MAST4: variants seen among roughly 807,000 people sequenced by gnomAD.
MAST4 encodes the protein microtubule-associated serine/threonine-protein kinase 4.
In MAST4, 89 loss-of-function variants were observed where a neutral mutation model predicts 162.7. The observed-to-expected ratio is 0.55, with a 90% CI of 0.46 to 0.65. The LOEUF (loss-of-function observed/expected upper bound fraction) is 0.65, where lower values mean the gene tolerates loss of function less well. Among genes scored for constraint, MAST4 ranks in the 30% least tolerant of loss-of-function variants. The pLI, the probability that MAST4 is intolerant of heterozygous loss-of-function variation, is 0.00. For synonymous variants in MAST4, 1,479 were observed against 1,361.1 expected (o/e 1.09, Z -1.91); for missense variants, 3,153 against 3,374.0 (o/e 0.93, Z 1.62).
intron 1 of MAST4, among the ~76,000 whole-genome samples, chr5:66,617,011 C>T (rs1232587014): frequency 6.6e-6 from 1 of 152,156 alleles, no homozygotes; most frequent in Non-Finnish European, 1.5e-5. Context: ...AAAGAGACAC[C>T]TTGCACATTC....
intron 14 of MAST4, among the ~76,000 whole-genome samples, chr5:67,126,833 G>T (rs995530744): frequency 6.6e-6 from 1 of 152,146 alleles, no homozygotes; most frequent in Non-Finnish European, 1.5e-5. Context: ...ATTGCTTTGG[G>T]CAGTATGGCC....
At chr5:66,892,412 C>T (rs1762417633) in intron 3 of MAST4, among the ~76,000 whole-genome samples, 1 of 152,148 alleles carries the variant, frequency 6.6e-6, no homozygotes, top group African/African-American at 2.4e-5. Flanking sequence ...CAGTGTCTGG[C>T]ACAGCACCAG....
intron 1 of MAST4, among the ~76,000 whole-genome samples, chr5:66,648,565 G>A (rs1002890616): frequency 6.6e-6 from 1 of 151,840 alleles, no homozygotes; most frequent in Non-Finnish European, 1.5e-5. Context: ...TTCCTATTGA[G>A]TTTTTTACCC....
chr5:66,920,278 C>G (rs249615), intron 4 of MAST4, among the ~76,000 whole-genome samples: 12,545 of 151,748 alleles, frequency 0.083, 704 homozygotes, highest in East Asian at 0.15. Context: ...TCCCTACTCT[C>G]GTTTGAATCA....
At chr5:67,121,155 T>C (rs1009083833) in intron 14 of MAST4, 53 bp downstream of exon 14, 2 of 1,345,896 alleles carry the variant, frequency 1.5e-6, no homozygotes, top group African/African-American at 2.9e-5. Context: ...TCAAGTGATA[T>C]ATTTATTCTT....
chr5:66,804,531 C>G (rs1262654065), intron 3 of MAST4, among the ~76,000 whole-genome samples: 1 of 152,196 alleles, frequency 6.6e-6, no homozygotes, highest in South Asian at 2.1e-4. Context: ...GAAACAAGGA[C>G]TAGACTTGGA....
At chr5:66,658,072 G>A (rs1211448876) in intron 1 of MAST4, among the ~76,000 whole-genome samples, 2 of 152,156 alleles carry the variant, frequency 1.3e-5, no homozygotes, top group Admixed American at 1.3e-4. Context: ...TCCAGTCCAG[G>A]GTAACCTGGT....
chr5:66,652,877 G>A (rs1332215254), intron 1 of MAST4, among the ~76,000 whole-genome samples: 1 of 152,156 alleles, frequency 6.6e-6, no homozygotes, highest in Non-Finnish European at 1.5e-5. Context: ...CGCTCTCATT[G>A]CTTCTCCCCA....
intron 1 of MAST4, among the ~76,000 whole-genome samples, chr5:66,658,420 G>A (rs1386556664): frequency 6.6e-6 from 1 of 152,072 alleles, no homozygotes; most frequent in African/African-American, 2.4e-5. Flanking sequence ...AACTGTTATG[G>A]GTTTTTTCCC....
At chr5:66,733,313 C>T (rs981799331) in intron 1 of MAST4, among the ~76,000 whole-genome samples, 19 of 149,010 alleles carry the variant, frequency 1.3e-4, no homozygotes, top group Admixed American at 2.8e-4. Flanking sequence ...CCTCCCTCTT[C>T]CCCCCACCAC....
chr5:66,990,988 A>G (rs1039458372), intron 4 of MAST4, among the ~76,000 whole-genome samples: 3 of 152,214 alleles, frequency 2.0e-5, no homozygotes, highest in Admixed American at 2.0e-4. Context: ...TCTCAAAAAT[A>G]ATGACTCTGA....
chr5:66,838,202 C>G (rs1027749958), intron 3 of MAST4, among the ~76,000 whole-genome samples: 5 of 151,834 alleles, frequency 3.3e-5, no homozygotes, highest in Non-Finnish European at 5.9e-5. Context: ...TTGCTTTGTC[C>G]CTTAAAATGT....
chr5:66,928,171 T>C lies in MAST4; in HGVS notation c.674+28189T>C, dbSNP rs188300204. 1.9e-3 allele frequency among the ~76,000 whole-genome samples: 284 copies of C among 152,314 alleles called. 1 individual carries two copies. The highest frequency in any genetic ancestry group is 6.5e-3 in the African/African-American group (272 of 41,564). The stretch of plus-strand genomic sequence containing the variant: ...CTTCAACAGCTTTCCAGGGGCACAA[T>C]TCAGTGCATAATACCCCTTCTGTTC... On this transcript the variant is annotated intron_variant, in intron 4 of 28. Transcript: ENST00000403625.
rs1554093813 is a variant in MAST4, at chr5:67,078,848, T to TTTTA, written c.764-11313_764-11312insTTAT. The stretch of plus-strand genomic sequence containing the variant: ...TTTATATTTATATATTTAAATATAT[T>TTTTA]TATATATTTATATAAATATATATTT... On this transcript the variant is annotated intron_variant, in intron 5 of 28. Transcript: ENST00000403625. Among the ~76,000 whole-genome samples, 92 of 111,106 alleles carry TTTTA rather than the reference T, an allele frequency of 8.3e-4. 1 individual carries two copies. Among genetic ancestry groups the TTTTA allele is most frequent in the African/African-American group, 3.3e-3 (84 of 25,584 alleles). The allele number at this position is 111,106 out of a possible 152,430, so 72.9% of individuals were successfully genotyped here.
chr5:66,663,991 A>G (rs1361711345), intron 1 of MAST4, among the ~76,000 whole-genome samples: 1 of 152,154 alleles, frequency 6.6e-6, no homozygotes, highest in Non-Finnish European at 1.5e-5. Flanking sequence ...GTTGCATCCC[A>G]TATGCATTTT....
chr5:66,661,150 C>T (rs1746883368), intron 1 of MAST4, among the ~76,000 whole-genome samples: 1 of 152,104 alleles, frequency 6.6e-6, no homozygotes, highest in African/African-American at 2.4e-5. Flanking sequence ...GTGGCTTTAC[C>T]CTAATAGAGG....
chr5:66,636,788 A>G (rs560394412), intron 1 of MAST4, among the ~76,000 whole-genome samples: 2 of 152,322 alleles, frequency 1.3e-5, no homozygotes, highest in East Asian at 3.9e-4. Context: ...GATGAGCTGA[A>G]GGTGTGTCTG....
At chr5:66,857,966 T>A (rs901952888) in intron 3 of MAST4, among the ~76,000 whole-genome samples, 2 of 152,068 alleles carry the variant, frequency 1.3e-5, no homozygotes, top group African/African-American at 2.4e-5. Flanking sequence ...TTCATTTTTT[T>A]ATTTTTTTGA....
intron 12 of MAST4, among the ~76,000 whole-genome samples, chr5:67,116,780 C>T (rs924355979): frequency 2.6e-5 from 4 of 152,056 alleles, no homozygotes; most frequent in Admixed American, 1.3e-4. Context: ...GGCGCCATTG[C>T]ACTACAGTCT....
Sources: allele counts gnomAD v4.1 joint callset (sites outside exome capture counted in the v4.1 genomes callset), GRCh38; gene constraint gnomAD v4.1.1; transcripts MANE v1.5; gene names NCBI Gene and HGNC (gene_info 2026-07-23, HGNC 2026-07-21).